The following CLIC5 variants were observed in gnomAD, a reference collection of about 807,000 sequenced individuals.
CLIC5 encodes CLIC family member 5, also known as chloride intracellular channel protein 5.
CLIC5 carries 20 observed loss-of-function variants against 24.7 expected under a neutral mutation model. That is an observed-to-expected ratio of 0.81 (90% CI 0.57 to 1.18). The LOEUF is 1.18. Among genes scored for constraint, CLIC5 ranks in the 50% most tolerant of loss-of-function variants. The pLI is 0.00. For missense variants in CLIC5, 341 were observed against 326.1 expected, an observed-to-expected ratio of 1.05 and a Z score of -0.35; for synonymous variants, 159 against 135.6, an observed-to-expected ratio of 1.17 and a Z score of -1.20.
rs867763862 is a variant in CLIC5, at chr6:45,901,364, C to T, written c.*1724G>A. On this transcript the variant is annotated 3_prime_UTR_variant, in exon 6 of 6. Coordinates refer to ENST00000339561, the MANE Select transcript of CLIC5 (RefSeq NM_016929.5). ...TCCTCAATGGGCTCTAGGAGACCTC[C>T]TGCTTCCTCTCCTCTGATTTGATCA... The T allele has an allele frequency of 1.3e-5, 2 of 152,136 alleles. No individual in the cohort carries two copies. Among genetic ancestry groups the T allele is most frequent in the African/African-American group, 4.8e-5 (2 of 41,412 alleles). The allele number at this position is 152,136 out of a possible 1,614,324, so 9.4% of individuals were successfully genotyped here. A position where few individuals can be genotyped will look rare whatever the true frequency, so the allele number is the denominator to read the frequency against.
intron 1 of CLIC5, among the ~76,000 whole-genome samples, chr6:46,042,708 C>G (rs1482149558): frequency 2.0e-5 from 3 of 152,174 alleles, no homozygotes; most frequent in African/African-American, 7.2e-5. Flanking sequence ...TTAAACAAAA[C>G]ATGGACTACA....
chr6:46,093,272 G>A, the CLIC5 span, among the ~76,000 whole-genome samples: 45 of 152,078 alleles, frequency 3.0e-4, no homozygotes, highest in Non-Finnish European at 4.0e-4. Context: ...CATTTTTCCA[G>A]GTCAATAACC....
chr6:45,955,069 C>G, intron 2 of CLIC5, 66 bp downstream of exon 2: 1 of 1,220,298 alleles, frequency 8.2e-7, no homozygotes, highest in South Asian at 1.3e-5. Flanking sequence ...GGCTTTTGCC[C>G]TCCTTCATGG....
chr6:45,918,485 G>T (rs1309134057), intron 4 of CLIC5, among the ~76,000 whole-genome samples: 1 of 152,232 alleles, frequency 6.6e-6, no homozygotes, highest in Non-Finnish European at 1.5e-5. Flanking sequence ...AGGCAAAGCA[G>T]ACTCCTGGGG....
chr6:45,976,723 G>A (rs893596677), intron 1 of CLIC5, among the ~76,000 whole-genome samples: 2 of 152,164 alleles, frequency 1.3e-5, no homozygotes, highest in Non-Finnish European at 2.9e-5. Flanking sequence ...CAAACGTAGT[G>A]ATTCTCAGTA....
At chr6:46,053,995 C>T (rs1455406429) in intron 1 of CLIC5, among the ~76,000 whole-genome samples, 1 of 152,122 alleles carries the variant, frequency 6.6e-6, no homozygotes. Context: ...TTCATTTGGT[C>T]AGTTCCTATT....
intron 1 of CLIC5, among the ~76,000 whole-genome samples, chr6:46,062,269 T>C (rs1174040633): frequency 6.6e-6 from 1 of 152,220 alleles, no homozygotes; most frequent in Non-Finnish European, 1.5e-5. Flanking sequence ...ATAACAAAAA[T>C]ACTTCAGTAG....
intron 4 of CLIC5, among the ~76,000 whole-genome samples, chr6:45,927,682 C>T (rs1763554857): frequency 6.6e-6 from 1 of 152,154 alleles, no homozygotes; most frequent in African/African-American, 2.4e-5. Context: ...TTGCTATCCC[C>T]CGAAGTTGCT....
At chr6:45,979,016 C>A (rs909969695) in intron 1 of CLIC5, among the ~76,000 whole-genome samples, 1 of 151,368 alleles carries the variant, frequency 6.6e-6, no homozygotes, top group African/African-American at 2.4e-5. Flanking sequence ...AGCTCAACAG[C>A]CAGAGTTTGA....
intron 4 of CLIC5, among the ~76,000 whole-genome samples, chr6:45,914,748 C>T (rs887945133): frequency 9.2e-5 from 14 of 151,620 alleles, no homozygotes; most frequent in South Asian, 2.1e-4. Context: ...GTTAAGAGAT[C>T]GAAACCACCC....
At position 46,000,601 on chromosome 6, in the gene CLIC5, C is replaced by T. The variant is rs892400515; in HGVS notation, c.63+14879G>A. 6.6e-5 allele frequency among the ~76,000 whole-genome samples: 10 copies of T among 152,166 alleles called. No individual in the cohort carries two copies. The South Asian group carries it at 8.3e-4, about 13-fold the overall frequency. On this transcript the variant is annotated intron_variant, in intron 1 of 5. Coordinates refer to ENST00000339561, the MANE Select transcript of CLIC5 (RefSeq NM_016929.5). ...AAAGAAAAGAGGTTTAATTGACTCACGGTTCCGCAGGGCTGGGGAGACCTC... is the reference window on the plus strand; with the variant it reads ...AAAGAAAAGAGGTTTAATTGACTCATGGTTCCGCAGGGCTGGGGAGACCTC...
intron 1 of CLIC5, among the ~76,000 whole-genome samples, chr6:46,061,213 C>T (rs752165621): frequency 2.3e-4 from 35 of 150,714 alleles, no homozygotes; most frequent in Non-Finnish European, 4.0e-4. Flanking sequence ...TTGTTTTAGA[C>T]GGAGTCTTGC....
At chr6:45,977,564 C>G (rs2127410398) in intron 1 of CLIC5, among the ~76,000 whole-genome samples, 1 of 152,258 alleles carries the variant, frequency 6.6e-6, no homozygotes, top group East Asian at 1.9e-4. Flanking sequence ...AAAATTCAAA[C>G]TCCTTGAGCT....
chr6:45,911,858 T>C (rs550096254), intron 5 of CLIC5: 68 of 985,394 alleles, frequency 6.9e-5, no homozygotes, highest in Non-Finnish European at 8.2e-5. Context: ...GCTGCTGAGC[T>C]GGTCATTTCT....
chr6:45,883,694 G>T (rs1762281259), intron 6 of CLIC5: 1 of 152,242 alleles, frequency 6.6e-6, no homozygotes, highest in Admixed American at 6.5e-5. Context: ...CCACAGTAAA[G>T]TGTGTACCTG....
intron 5 of CLIC5, among the ~76,000 whole-genome samples, chr6:45,908,593 C>T (rs962034324): frequency 2.0e-4 from 30 of 151,948 alleles, no homozygotes; most frequent in Non-Finnish European, 3.8e-4. Flanking sequence ...GAGACATCTT[C>T]TTGGTGTTGA....
chr6:45,985,426 G>T (rs142124203), intron 1 of CLIC5, among the ~76,000 whole-genome samples: 2 of 152,268 alleles, frequency 1.3e-5, no homozygotes, highest in Non-Finnish European at 2.9e-5. Context: ...TCTTCCCATA[G>T]GTACCTTTCT....
At chr6:45,997,247 C>T (rs1200793796) in intron 1 of CLIC5, among the ~76,000 whole-genome samples, 10 of 150,274 alleles carry the variant, frequency 6.7e-5, no homozygotes, top group African/African-American at 2.4e-4. Context: ...AGTAAACTCT[C>T]GCAAGAACAA....
chr6:45,958,422 TTATATATATATATATATATATATA>T (rs35922936), intron 1 of CLIC5, among the ~76,000 whole-genome samples: 143 of 8,376 alleles, frequency 0.017, 3 homozygotes, highest in Middle Eastern at 0.05. Context: ...AAAAAGACAA[TTATATATATATATATATATATATA>T]TATATATATA....
Sources: gnomAD v4.1 joint callset for allele counts (sites outside exome capture counted in the v4.1 genomes callset) on GRCh38, gnomAD v4.1.1 for gene constraint, MANE v1.5 for transcripts, NCBI Gene and HGNC (gene_info 2026-07-23, HGNC 2026-07-21) for gene names.